CASP10: variants seen among roughly 807,000 people sequenced by gnomAD.
CASP10 encodes the protein caspase-10.
In CASP10, 41 loss-of-function variants were observed where a neutral mutation model predicts 48.5. That is an observed-to-expected ratio of 0.85 (90% confidence interval 0.66 to 1.10). The LOEUF is 1.10. CASP10 is among the 50% of genes least tolerant of loss of function. The pLI is 0.00. For missense variants in CASP10, 614 were observed against 614.5 expected (o/e 1.00, Z 0.01); for synonymous variants, 232 against 238.4 (o/e 0.97, Z 0.25).
intron 5 of CASP10, among the ~76,000 whole-genome samples, chr2:201,203,504 A>G (rs1945095678): frequency 6.6e-6 from 1 of 151,970 alleles, no homozygotes; most frequent in Non-Finnish European, 1.5e-5. Context: ...GTGGGGTTTC[A>G]CCATGTTAGT....
intron 9 of CASP10, among the ~76,000 whole-genome samples, chr2:201,215,389 G>A (rs568562209): frequency 3.3e-5 from 5 of 151,928 alleles, no homozygotes; most frequent in African/African-American, 1.2e-4. Context: ...ATAGTTTCAG[G>A]TTTTACATTT....
rs1468202621 is a variant in CASP10 at position 201,208,054 on chromosome 2, T to A, written c.814-21T>A. The A allele has an allele frequency of 4.5e-6, 7 of 1,557,448 alleles. No homozygotes were observed. In the Admixed American group the frequency reaches 8.3e-5, roughly 19 times the overall value. On this transcript the variant is annotated intron_variant, in intron 7 of 9. Transcript: ENST00000286186. Reference sequence around the variant, plus strand: ...CCCTAAGATAAGGATTCCTACTAAGTGGCTCTATCTATTCTTCAAGAGGGC... The same window carrying A: ...CCCTAAGATAAGGATTCCTACTAAGAGGCTCTATCTATTCTTCAAGAGGGC...
intron 2 of CASP10, among the ~76,000 whole-genome samples, chr2:201,186,606 T>G (rs993661660): frequency 1.3e-5 from 2 of 152,218 alleles, no homozygotes; most frequent in African/African-American, 4.8e-5. Flanking sequence ...TCTATATTTT[T>G]GGGTGGGAAT....
rs757635087 is a variant in CASP10 at position 201,209,563 on chromosome 2, G to A, written c.1415+1G>A. ...ATCATCTGAAGAAATTGGTCCCAAG[G>A]TGAGAGCTCTTTTTTTTCTTCCATT... is the stretch of plus-strand genomic sequence containing the variant. On this transcript the variant is annotated splice_donor_variant, in intron 9 of 9. Coordinates refer to ENST00000286186, the MANE Select transcript of CASP10 (RefSeq NM_032977.4). LOFTEE classifies it high-confidence loss of function. The A allele has an allele frequency of 2.1e-5, 33 of 1,600,350 alleles. No homozygotes were observed. The highest frequency in any genetic ancestry group is 1.1e-4 in the African/African-American group (8 of 73,714).
rs886055414 is a variant in CASP10 at position 201,218,998 on chromosome 2, G to A, written c.*1257G>A. 38 of 984,860 alleles carry A rather than the reference G, an allele frequency of 3.9e-5. No individual in the cohort carries two copies. In the East Asian group the frequency reaches 1.1e-3, roughly 29 times the overall value. 61.0% of individuals were successfully genotyped at this position (984,860 alleles called of 1,614,324 possible). A position where few individuals can be genotyped will look rare whatever the true frequency, so the allele number is the denominator to read the frequency against. On this transcript the variant is annotated 3_prime_UTR_variant, in exon 10 of 10. Transcript: ENST00000286186. ...TCATATTCCATTTTGGACTGGGTGC[G>A]GTGACTCATGCCTGTAATCCCAGTA...
At position 201,185,939 on chromosome 2, in the gene CASP10, G is replaced by A. The variant is rs1372609359; in HGVS notation, c.162G>A (p.Lys54=). 1.2e-6 allele frequency: 2 copies of A among 1,613,870 alleles called. No homozygotes were observed. The highest frequency in any genetic ancestry group is 3.3e-5 in the Admixed American group (2 of 60,012). ...IGLVPNKKLE[K]SSSASDVFEH... ...TGGTCCCCAACAAGAAGCTGGAGAAGTCCAGCTCAGCCTCAGATGTTTTTG... is the reference window on the plus strand; with the variant it reads ...TGGTCCCCAACAAGAAGCTGGAGAAATCCAGCTCAGCCTCAGATGTTTTTG... The change falls in exon 2 of 10, where the codon AAG becomes AAA. Residue 54 remains lysine, a synonymous_variant. Coordinates refer to ENST00000286186, the MANE Select transcript of CASP10 (RefSeq NM_032977.4).
downstream of CASP10, among the ~76,000 whole-genome samples, chr2:201,223,061 T>C (rs1273211339): frequency 6.6e-6 from 1 of 152,232 alleles, no homozygotes; most frequent in Non-Finnish European, 1.5e-5. Flanking sequence ...TTTTTGGTGA[T>C]AATCTTTAAA....
At chr2:201,211,413 G>C (rs1945390292) in intron 9 of CASP10, among the ~76,000 whole-genome samples, 1 of 152,012 alleles carries the variant, frequency 6.6e-6, no homozygotes, top group African/African-American at 2.4e-5. Flanking sequence ...TCTCATCTTT[G>C]TAATTGCTGT....
At chr2:201,200,441 A>C (rs759220062) in intron 5 of CASP10, 1 of 1,598,156 alleles carries the variant, frequency 6.3e-7, no homozygotes, top group Non-Finnish European at 8.5e-7. Flanking sequence ...CTTTCTCCCC[A>C]GGAAGGTGTT....
At chr2:201,200,535 C>T (rs750168819) in intron 5 of CASP10, 4 of 1,597,678 alleles carry the variant, frequency 2.5e-6, no homozygotes. Context: ...GGGCAAACGC[C>T]CACCTGAAGA....
intron 9 of CASP10, chr2:201,213,343 G>A (rs889891481): frequency 6.6e-6 from 1 of 152,122 alleles, no homozygotes; most frequent in African/African-American, 2.4e-5. Flanking sequence ...ATTGGTGAAA[G>A]GTGTATGAGT....
At chr2:201,199,014 G>A (rs1944916291) in intron 5 of CASP10, among the ~76,000 whole-genome samples, 1 of 152,060 alleles carries the variant, frequency 6.6e-6, no homozygotes, top group African/African-American at 2.4e-5. Context: ...CCTACCTGTT[G>A]TTGATGTTTT....
At chr2:201,194,225 A>G (rs1944712863) in intron 4 of CASP10, among the ~76,000 whole-genome samples, 1 of 152,092 alleles carries the variant, frequency 6.6e-6, no homozygotes, top group South Asian at 2.1e-4. Context: ...TCAGTACGCT[A>G]AATATCTGTG....
intron 5 of CASP10, chr2:201,200,412 A>G (rs763140312): frequency 6.3e-7 from 1 of 1,591,610 alleles, no homozygotes; most frequent in Non-Finnish European, 8.5e-7. Context: ...TCAGCATTCT[A>G]CTGTAAAGAA....
rs536265018 is a variant in CASP10 at position 201,229,125 on chromosome 2, C to T, written c.*42C>T. On this transcript the variant is annotated 3_prime_UTR_variant, in exon 10 of 10. Transcript: ENST00000272879. ...CCTTCTGCCTGCCTTCCAGCCACATCGCCTGAGATTGACAACGCCCTACAG... is the reference window on the plus strand; with the variant it reads ...CCTTCTGCCTGCCTTCCAGCCACATTGCCTGAGATTGACAACGCCCTACAG... The T allele has an allele frequency of 8.3e-5, 134 of 1,612,718 alleles. No individual in the cohort carries two copies. In the South Asian group the frequency reaches 1.0e-3, roughly 12 times the overall value.
intron 6 of CASP10, among the ~76,000 whole-genome samples, chr2:201,205,276 G>A (rs1240600955): frequency 1.3e-5 from 2 of 149,344 alleles, no homozygotes; most frequent in African/African-American, 4.9e-5. Flanking sequence ...CTAGGCTGGA[G>A]TGCAGTGGTG....
chr2:201,196,678 A>T (rs2126024246), intron 5 of CASP10, among the ~76,000 whole-genome samples: 1 of 152,344 alleles, frequency 6.6e-6, no homozygotes, highest in African/African-American at 2.4e-5. Flanking sequence ...GTGATAAAAT[A>T]CACATAACAA....
chr2:201,201,351 G>A (rs1236807527), intron 5 of CASP10, among the ~76,000 whole-genome samples: 1 of 152,112 alleles, frequency 6.6e-6, no homozygotes, highest in Non-Finnish European at 1.5e-5. Context: ...TCTTTAAAAT[G>A]TGGTTTTCCA....
In CASP10 at chr2:201,208,201, A is replaced by C; in HGVS notation, c.922+18A>C. 6.3e-7 allele frequency: 1 copy of C among 1,591,094 alleles called. No individual in the cohort carries two copies. Among genetic ancestry groups the C allele is most frequent in the Non-Finnish European group, 8.5e-7 (1 of 1,173,030 alleles). Reference sequence around the variant, plus strand: ...AGATGCTGGTAAGAAAGTCTGGAACAGTTTATCAAATGCAAATTGGGGATC... The same window carrying C: ...AGATGCTGGTAAGAAAGTCTGGAACCGTTTATCAAATGCAAATTGGGGATC... On this transcript the variant is annotated intron_variant, in intron 8 of 9. Transcript: ENST00000286186.
Sources: allele counts gnomAD v4.1 joint callset (sites outside exome capture counted in the v4.1 genomes callset), GRCh38; gene constraint gnomAD v4.1.1; transcripts MANE v1.5; gene names NCBI Gene and HGNC (gene_info 2026-07-23, HGNC 2026-07-21).